PTPN21: variants seen among roughly 807,000 people sequenced by gnomAD.
PTPN21 encodes protein tyrosine phosphatase non-receptor type 21.
Under a neutral mutation model 131.8 loss-of-function variants are expected in PTPN21, and 77 were observed. The observed-to-expected ratio is 0.58, with a 90% CI of 0.49 to 0.71. The LOEUF is 0.71. Ranked by LOEUF, PTPN21 falls within the 30% of genes least tolerant of loss-of-function variation. PTPN21 has a pLI of 0.00. For missense variants in PTPN21, 1,552 were observed against 1,527.1 expected (o/e 1.02, Z -0.27); for synonymous variants, 715 against 621.3 (o/e 1.15, Z -2.24).
chr14:88,480,717 T>C (rs184510855), intron 12 of PTPN21, among the ~76,000 whole-genome samples: 47 of 152,338 alleles, frequency 3.1e-4, no homozygotes, highest in Non-Finnish European at 5.3e-4. Flanking sequence ...TGGGTAGGGA[T>C]GTGGCCTTGC....
intron 2 of PTPN21, among the ~76,000 whole-genome samples, chr14:88,519,499 G>A (rs1447716675): frequency 6.6e-6 from 1 of 152,132 alleles, no homozygotes; most frequent in Non-Finnish European, 1.5e-5. Context: ...GGATAGTATA[G>A]ATTTAAAGCA....
Position 88,473,733 on chromosome 14 carries a change from A to T in PTPN21, c.2581T>A (p.Ser861Thr), listed in dbSNP as rs1050893220. 3 of 1,611,494 alleles carry T rather than the reference A, an allele frequency of 1.9e-6. No homozygotes were observed. Among genetic ancestry groups the T allele is most frequent in the Middle Eastern group, 3.3e-4 (2 of 6,056 alleles). Reference protein sequence around the residue: ...PLKLAALNGLSLSRVPLPDEG... With the variant: ...PLKLAALNGLTLSRVPLPDEG... ...TCAGGCAGAGGCACTCGAGATAGGGAGAGTCCATTTAGGGCAGCCAGTTTA... is the reference window on the plus strand; with the variant it reads ...TCAGGCAGAGGCACTCGAGATAGGGTGAGTCCATTTAGGGCAGCCAGTTTA... Residue 861 changes from serine to threonine, a missense_variant, in exon 14 of 19, where the codon TCC becomes ACC. By Grantham distance (58) the Ser-to-Thr change is moderately conservative. Around this residue, in one of 4 missense-constraint regions of PTPN21, gnomAD observed 1,016 missense variants for 883.5 expected, o/e 1.15. Coordinates refer to ENST00000556564, the MANE Select transcript of PTPN21 (RefSeq NM_007039.4).
At chr14:88,498,084 A>G (rs766223233) in intron 8 of PTPN21, among the ~76,000 whole-genome samples, 12 of 149,780 alleles carry the variant, frequency 8.0e-5, no homozygotes, top group Non-Finnish European at 1.8e-4. Flanking sequence ...GTGGGCAACA[A>G]AAATGAAACT....
chr14:88,477,849 G>A (rs1163818304), intron 13 of PTPN21, among the ~76,000 whole-genome samples: 7 of 152,146 alleles, frequency 4.6e-5, no homozygotes, highest in Non-Finnish European at 5.9e-5. Context: ...TGACAAGGCC[G>A]CAGATGCTTA....
rs751330058 is a variant in PTPN21 at position 88,472,478 on chromosome 14, A to T, written c.2650-13T>A. The T allele has an allele frequency of 6.6e-7, 1 of 1,513,950 alleles. No individual in the cohort carries two copies. The allele number at this position is 1,513,950 out of a possible 1,614,324, so 93.8% of individuals were successfully genotyped here. ...CCAGAATTTTACACTATAAAACAGA[A>T]TATGTGTAATAACATGAATACAGCC... On this transcript the variant is annotated splice_polypyrimidine_tract_variant and intron_variant, in intron 14 of 18. Coordinates refer to ENST00000556564, the MANE Select transcript of PTPN21 (RefSeq NM_007039.4).
chr14:88,502,467 T>C (rs1036953745), intron 6 of PTPN21, among the ~76,000 whole-genome samples: 19 of 152,300 alleles, frequency 1.2e-4, no homozygotes, highest in African/African-American at 4.3e-4. Flanking sequence ...GCACTCATTA[T>C]CTTCTTATAT....
intron 2 of PTPN21, among the ~76,000 whole-genome samples, chr14:88,533,441 TAAAC>T (rs1030593833): frequency 1.6e-4 from 25 of 152,220 alleles, no homozygotes; most frequent in Admixed American, 1.3e-3. Context: ...GATGCTGGTA[TAAAC>T]AAACCTATCG....
At chr14:88,539,030 C>T (rs949028533) in intron 2 of PTPN21, among the ~76,000 whole-genome samples, 3 of 152,082 alleles carry the variant, frequency 2.0e-5, no homozygotes, top group Middle Eastern at 3.4e-3. Flanking sequence ...GGAGATCCTA[C>T]ACTTAAATAC....
chr14:88,542,925 A>G (rs917381180), intron 2 of PTPN21, among the ~76,000 whole-genome samples: 9 of 152,238 alleles, frequency 5.9e-5, no homozygotes, highest in Non-Finnish European at 1.3e-4. Flanking sequence ...TATAACGTAC[A>G]TACCTAAATG....
Position 88,479,772 on chromosome 14 carries a change from C to A in PTPN21, c.1659G>T (p.Pro553=). The A allele has an allele frequency of 1.3e-6, 2 of 1,544,610 alleles. No individual in the cohort carries two copies. Among genetic ancestry groups the A allele is most frequent in the Non-Finnish European group, 1.7e-6 (2 of 1,152,564 alleles). ...TNAQLQAQDY[P]SPNIMRTQVY... The stretch of plus-strand genomic sequence containing the variant: ...CCTGCGTCCGCATGATGTTGGGAGA[C>A]GGGTAGTCCTGCGCCTGCAGCTGCG... The change falls in exon 13 of 19, where the codon CCG becomes CCT. Residue 553 remains proline, a synonymous_variant. Transcript: ENST00000556564.
intron 2 of PTPN21, among the ~76,000 whole-genome samples, chr14:88,520,489 G>A (rs1595395213): frequency 6.6e-6 from 1 of 151,954 alleles, no homozygotes; most frequent in East Asian, 1.9e-4. Flanking sequence ...ATATCTGAAA[G>A]GCCAAGTCCC....
At chr14:88,508,129 T>A in intron 3 of PTPN21, 109 bp from the exon 4 acceptor site, 1 of 550,422 alleles carries the variant, frequency 1.8e-6, no homozygotes, top group Non-Finnish European at 3.1e-6. Context: ...AATAAAACCT[T>A]AATCCCACAT....
intron 2 of PTPN21, among the ~76,000 whole-genome samples, chr14:88,541,497 T>C (rs765431520): frequency 1.3e-5 from 2 of 152,198 alleles, no homozygotes; most frequent in African/African-American, 2.4e-5. Flanking sequence ...ACTTGATTAA[T>C]GTATAAAGGA....
At position 88,497,233 on chromosome 14, in the gene PTPN21, T is replaced by C; in HGVS notation, c.822A>G (p.Ala274=). ...HNKSFFALEL[A]NKEETIQFQT... is the part of the protein sequence containing the mutation. The stretch of plus-strand genomic sequence containing the variant: ...GAAATTGAATGGTCTCCTCTTTATT[T>C]GCCAGCTCTAATGCAAAAAAGGACT... Residue 274 remains alanine, a synonymous_variant, in exon 9 of 19, where the codon GCA becomes GCG. Coordinates refer to ENST00000556564, the MANE Select transcript of PTPN21 (RefSeq NM_007039.4). 1.9e-6 allele frequency: 3 copies of C among 1,612,686 alleles called. No individual in the cohort carries two copies. Among genetic ancestry groups the C allele is most frequent in the East Asian group, 2.2e-5 (1 of 44,864 alleles).
chr14:88,535,857 CCT>C (rs1391299371), intron 2 of PTPN21, among the ~76,000 whole-genome samples: 1 of 152,194 alleles, frequency 6.6e-6, no homozygotes, highest in Non-Finnish European at 1.5e-5. Flanking sequence ...AAGCACACAT[CCT>C]CTCTTCCTTG....
At chr14:88,471,389 T>C (rs1181899505) in intron 15 of PTPN21, among the ~76,000 whole-genome samples, 1 of 152,216 alleles carries the variant, frequency 6.6e-6, no homozygotes, top group Non-Finnish European at 1.5e-5. Flanking sequence ...TTGTGAATCA[T>C]CATTTTGTCC....
At chr14:88,510,714 C>A (rs3783885) in intron 3 of PTPN21, among the ~76,000 whole-genome samples, 52,755 of 151,930 alleles carry the variant, frequency 0.35, 9,739 homozygotes, top group African/African-American at 0.48. Context: ...GTTTCCTCAT[C>A]TACAAAATAG....
intron 2 of PTPN21, among the ~76,000 whole-genome samples, chr14:88,519,996 C>A (rs1222839026): frequency 6.6e-6 from 1 of 152,148 alleles, no homozygotes; most frequent in Non-Finnish European, 1.5e-5. Context: ...CCAGAAGTAC[C>A]TAGAGGGTTT....
At chr14:88,490,567 T>C (rs2077808382) in intron 10 of PTPN21, among the ~76,000 whole-genome samples, 1 of 152,158 alleles carries the variant, frequency 6.6e-6, no homozygotes, top group Non-Finnish European at 1.5e-5. Context: ...GGCTGCTCCA[T>C]CTTCTTCCAG....
Sources: gnomAD v4.1 joint callset for allele counts (sites outside exome capture counted in the v4.1 genomes callset) on GRCh38, gnomAD v4.1.1 for gene constraint, gnomAD v4.1.1 regional missense constraint, MANE v1.5 for transcripts, NCBI Gene and HGNC (gene_info 2026-07-23, HGNC 2026-07-21) for gene names.